SYNE3: variants seen among roughly 807,000 people sequenced by gnomAD.
SYNE3 encodes the protein nesprin-3.
SYNE3 carries 100 observed loss-of-function variants against 111.2 expected under a neutral mutation model. The ratio of observed to expected loss-of-function variants is 0.90; its 90% CI spans 0.77 to 1.06. SYNE3 has a LOEUF of 1.06. SYNE3 is among the 50% of genes least tolerant of loss of function. SYNE3 has a pLI of 0.00. For missense variants in SYNE3, 1,160 were observed against 1,240.3 expected, an observed-to-expected ratio of 0.94 and a Z score of 0.97; for synonymous variants, 547 against 533.9, an observed-to-expected ratio of 1.02 and a Z score of -0.34.
chr14:95,507,874 G>A (rs1037449419), intron 1 of SYNE3, among the ~76,000 whole-genome samples: 2 of 152,212 alleles, frequency 1.3e-5, no homozygotes, highest in Non-Finnish European at 2.9e-5. Context: ...GGTCAGAGAA[G>A]ACAGGGTAGG....
intron 2 of SYNE3, among the ~76,000 whole-genome samples, chr14:95,469,531 C>CAAA (rs71132350): frequency 4.9e-4 from 48 of 98,866 alleles, no homozygotes; most frequent in East Asian, 9.3e-4. Flanking sequence ...CATGTCTCTA[C>CAAA]AAAAAAAAAA....
rs536592214 is a variant in SYNE3 at position 95,466,570 on chromosome 14, C to T, written c.318-330G>A. ...GCCGTTTACCTCCAGCACCTTAAAT[C>T]CTGGCCCTGAACTCCCACTGTCAAT... On this transcript the variant is annotated intron_variant, in intron 3 of 17. Transcript: ENST00000682763. 2.3e-3 allele frequency among the ~76,000 whole-genome samples: 354 copies of T among 152,346 alleles called. 1 individual carries two copies. The highest frequency in any genetic ancestry group is 8.1e-3 in the African/African-American group (336 of 41,580).
Position 95,409,167 on chromosome 14 carries a change from C to A in SYNE3, c.*8659G>T, listed in dbSNP as rs549403133. 4.4e-5 allele frequency: 20 copies of A among 456,758 alleles called. No homozygotes were observed. The East Asian group carries it at 1.4e-3, about 32-fold the overall frequency. 28.3% of individuals were successfully genotyped at this position (456,758 alleles called of 1,614,324 possible). ...ATTCCATAGAGTGGAGCACTGGGCT[C>A]GGAGCCAGTCATGCCTGGGTACAAG... On this transcript the variant is annotated 3_prime_UTR_variant, in exon 18 of 18. Transcript: ENST00000682763.
intron 1 of SYNE3, among the ~76,000 whole-genome samples, chr14:95,498,828 C>T (rs948892523): frequency 6.6e-6 from 1 of 152,190 alleles, no homozygotes; most frequent in African/African-American, 2.4e-5. Flanking sequence ...CAGTCCCCCC[C>T]AGGCTGGATC....
At chr14:95,437,013 G>C in intron 14 of SYNE3, 32 bp from the exon 15 acceptor site, 1 of 1,613,402 alleles carries the variant, frequency 6.2e-7, no homozygotes, top group Non-Finnish European at 8.5e-7. Flanking sequence ...AAGCGTCAGA[G>C]GTGAAAGAGC....
At chr14:95,427,146 C>CA (rs1228003299) in intron 17 of SYNE3, among the ~76,000 whole-genome samples, 1 of 152,142 alleles carries the variant, frequency 6.6e-6, no homozygotes, top group Admixed American at 6.5e-5. Context: ...GACCAGAAGA[C>CA]AGAGTGCAAG....
At chr14:95,475,907 A>T in intron 1 of SYNE3, 72 bp from the exon 2 acceptor site, 1 of 1,343,518 alleles carries the variant, frequency 7.4e-7, no homozygotes, top group Non-Finnish European at 9.6e-7. Flanking sequence ...CCGGCAGGAC[A>T]CCTGGGACAG....
chr14:95,430,051 G>A (rs1446766684), intron 17 of SYNE3: 4 of 678,834 alleles, frequency 5.9e-6, no homozygotes, highest in East Asian at 1.4e-4. Context: ...CGCTATGGCT[G>A]TGAACATACC....
rs768635096 is a variant in SYNE3 at position 95,475,675 on chromosome 14, T to A, written c.144+3A>T. The A allele has an allele frequency of 6.5e-7, 1 of 1,546,624 alleles. No individual in the cohort carries two copies. The highest frequency in any genetic ancestry group is 8.7e-7 in the Non-Finnish European group (1 of 1,150,744). ...GGCCATCTGAGGCCACGCCTCTGCA[T>A]ACCTCGGTCTCCCACAGCCTGGCCT... On this transcript the variant is annotated splice_donor_region_variant and intron_variant, in intron 2 of 17. Coordinates refer to ENST00000682763, the MANE Select transcript of SYNE3 (RefSeq NM_152592.6).
At chr14:95,486,513 C>T (rs1398740891) in intron 1 of SYNE3, among the ~76,000 whole-genome samples, 1 of 152,172 alleles carries the variant, frequency 6.6e-6, no homozygotes, top group East Asian at 1.9e-4. Context: ...GGCTGGCTGG[C>T]CCTGCCTTCC....
intron 1 of SYNE3, among the ~76,000 whole-genome samples, chr14:95,480,968 G>A (rs1889209226): frequency 6.6e-6 from 1 of 152,206 alleles, no homozygotes; most frequent in Non-Finnish European, 1.5e-5. Context: ...CCCATTAGCT[G>A]GCGGCCTGGG....
intron 3 of SYNE3, among the ~76,000 whole-genome samples, chr14:95,466,998 T>C (rs965277094): frequency 2.6e-5 from 4 of 152,210 alleles, no homozygotes; most frequent in Non-Finnish European, 4.4e-5. Context: ...CCAGGGGTGC[T>C]GTGAACTCAC....
At chr14:95,435,989 G>A (rs1005600129) in intron 15 of SYNE3, among the ~76,000 whole-genome samples, 1 of 152,180 alleles carries the variant, frequency 6.6e-6, no homozygotes, top group Non-Finnish European at 1.5e-5. Flanking sequence ...GGTAGTGCGA[G>A]GGAAGAGAAA....
intron 1 of SYNE3, among the ~76,000 whole-genome samples, chr14:95,492,369 A>C (rs1031680131): frequency 1.3e-5 from 2 of 152,264 alleles, no homozygotes; most frequent in African/African-American, 4.8e-5. Context: ...CCAAATGTCC[A>C]TCAACTGATA....
intron 2 of SYNE3, among the ~76,000 whole-genome samples, chr14:95,473,970 G>A (rs552354370): frequency 5.3e-4 from 80 of 151,238 alleles, no homozygotes; most frequent in African/African-American, 1.8e-3. Flanking sequence ...AGGTGTGACA[G>A]TGGCTGGAGC....
chr14:95,419,890 A>ATGGTGAGGGTG (rs1246898763), intron 17 of SYNE3, among the ~76,000 whole-genome samples: 1 of 28,102 alleles, frequency 3.6e-5, no homozygotes, highest in Non-Finnish European at 6.4e-5. Flanking sequence ...TGATGATGAT[A>ATGGTGAGGGTG]GTGATGGTGG....
Position 95,433,427 on chromosome 14 carries a change from G to A in SYNE3, c.2539-18C>T, listed in dbSNP as rs201452286. ...TCCAGCTCCTGGGGGAAACAGCAGC[G>A]TCATGGTGCGGCTTCCAAATGGCCC... On this transcript the variant is annotated intron_variant, in intron 15 of 17. Coordinates refer to ENST00000682763, the MANE Select transcript of SYNE3 (RefSeq NM_152592.6). 2.0e-3 allele frequency: 3,191 copies of A among 1,612,894 alleles called. 17 individuals are homozygous for A. The highest frequency in any genetic ancestry group is 1.8e-3 in the Non-Finnish European group (2,174 of 1,179,280).
rs1477378281 is a variant in SYNE3, at chr14:95,416,498, G to A, written c.*1328C>T. 1 of 152,214 alleles carries A rather than the reference G, an allele frequency of 6.6e-6. No homozygotes were observed. Among genetic ancestry groups the A allele is most frequent in the Non-Finnish European group, 1.5e-5 (1 of 68,048 alleles). The allele number at this position is 152,214 out of a possible 1,614,324, so 9.4% of individuals were successfully genotyped here. A position where few individuals can be genotyped will look rare whatever the true frequency, so the allele number is the denominator to read the frequency against. ...CATGATCCAGTTGTAGAGCACTTAG[G>A]AACCATCCCAGAGTTCCCTGGCAAG... On this transcript the variant is annotated 3_prime_UTR_variant, in exon 18 of 18. Transcript: ENST00000682763.
chr14:95,512,453 C>T (rs1027418058), intron 1 of SYNE3, among the ~76,000 whole-genome samples: 2 of 152,148 alleles, frequency 1.3e-5, no homozygotes, highest in African/African-American at 4.8e-5. Context: ...ACTCAGGAGG[C>T]TGAGGCAGAA....
Sources: allele counts gnomAD v4.1 joint callset (sites outside exome capture counted in the v4.1 genomes callset), GRCh38; gene constraint gnomAD v4.1.1; transcripts MANE v1.5; gene names NCBI Gene and HGNC (gene_info 2026-07-23, HGNC 2026-07-21).